The following SOX6 variants were observed in gnomAD, a reference collection of about 807,000 sequenced individuals.
SOX6 encodes transcription factor SOX-6.
A neutral mutation model predicts 97.8 loss-of-function variants in SOX6; 11 were observed. The ratio of observed to expected loss-of-function variants is 0.11; its 90% CI spans 0.07 to 0.19. SOX6 has a LOEUF of 0.19. Ranked by LOEUF, SOX6 falls within the 10% of genes least tolerant of loss-of-function variation. The probability of loss-of-function intolerance (pLI) is 1.00; values close to 1 mark genes in which losing one functional copy is unlikely to be tolerated. For missense variants in SOX6, 810 were observed against 1,039.5 expected, an observed-to-expected ratio of 0.78 and a Z score of 3.04; for synonymous variants, 360 against 371.4, an observed-to-expected ratio of 0.97 and a Z score of 0.35.
At chr11:16,125,014 A>G (rs949017685) in intron 6 of SOX6, among the ~76,000 whole-genome samples, 4 of 152,054 alleles carry the variant, frequency 2.6e-5, no homozygotes, top group African/African-American at 9.7e-5. Flanking sequence ...TCTTGCAAGT[A>G]GAAGCTTAGT....
chr11:16,677,231 G>A (rs1847890306), intron 3 of SOX6, among the ~76,000 whole-genome samples: 1 of 152,140 alleles, frequency 6.6e-6, no homozygotes, highest in Non-Finnish European at 1.5e-5. Flanking sequence ...TAAGGTCCAT[G>A]CTGCTCCCAC....
At chr11:16,358,963 G>T (rs893730808), upstream of SOX6, among the ~76,000 whole-genome samples, 6 of 152,116 alleles carry the variant, frequency 3.9e-5, no homozygotes, top group Admixed American at 3.3e-4. Flanking sequence ...CATACTGACT[G>T]CCAGACAGAC....
intron 12 of SOX6, among the ~76,000 whole-genome samples, chr11:16,027,178 A>G (rs1855237416): frequency 1.3e-5 from 2 of 152,202 alleles, no homozygotes; most frequent in African/African-American, 4.8e-5. Flanking sequence ...AATACAATAA[A>G]AATAAAACAA....
chr11:16,335,950 T>C (rs1856448020), intron 2 of SOX6, among the ~76,000 whole-genome samples: 1 of 152,214 alleles, frequency 6.6e-6, no homozygotes, highest in Non-Finnish European at 1.5e-5. Context: ...ATTGACATCT[T>C]TTATTTAAGG....
At chr11:16,387,811 C>T (rs1858036426) in intron 1 of SOX6, among the ~76,000 whole-genome samples, 1 of 152,032 alleles carries the variant, frequency 6.6e-6, no homozygotes, top group Admixed American at 6.6e-5. Flanking sequence ...CCATTGTTTA[C>T]TATGCAATTT....
At chr11:16,071,579 C>T (rs922889005) in intron 9 of SOX6, among the ~76,000 whole-genome samples, 1 of 152,180 alleles carries the variant, frequency 6.6e-6, no homozygotes, top group Admixed American at 6.5e-5. Context: ...CTCCACTGAA[C>T]CCCACCTCTT....
At chr11:16,103,364 AAT>A (rs1198272488) in intron 7 of SOX6, among the ~76,000 whole-genome samples, 2 of 151,606 alleles carry the variant, frequency 1.3e-5, no homozygotes, top group Admixed American at 1.3e-4. Flanking sequence ...ATAAAAAAAA[AAT>A]AAATAATGAT....
At chr11:16,307,130 G>C (rs1855466404) in intron 3 of SOX6, among the ~76,000 whole-genome samples, 1 of 152,078 alleles carries the variant, frequency 6.6e-6, no homozygotes, top group South Asian at 2.1e-4. Flanking sequence ...TATAAAATGG[G>C]GCTTGAAAGC....
intron 3 of SOX6, among the ~76,000 whole-genome samples, chr11:16,265,367 A>G (rs990324054): frequency 4.0e-5 from 6 of 151,874 alleles, no homozygotes; most frequent in Non-Finnish European, 5.9e-5. Context: ...TAGAAGCCTC[A>G]GTTGTGGGGT....
chr11:16,138,069 C>T (rs1805867698), intron 6 of SOX6, among the ~76,000 whole-genome samples: 1 of 152,132 alleles, frequency 6.6e-6, no homozygotes, highest in South Asian at 2.1e-4. Flanking sequence ...CAAATATATA[C>T]ATATTTCTTC....
At chr11:16,495,093 C>T (rs1444855605) in intron 4 of SOX6, among the ~76,000 whole-genome samples, 2 of 152,092 alleles carry the variant, frequency 1.3e-5, no homozygotes, top group Non-Finnish European at 2.9e-5. Flanking sequence ...GCTGCCACTG[C>T]CAAAGCTGAA....
At chr11:16,707,336 T>TA (rs1199674488) in intron 3 of SOX6, among the ~76,000 whole-genome samples, 2,719 of 142,138 alleles carry the variant, frequency 0.019, 78 homozygotes, top group African/African-American at 0.061. Flanking sequence ...TGAGGAATGT[T>TA]AAAAAAAAAA....
chr11:16,140,839 CA>C (rs1850114944), intron 6 of SOX6, among the ~76,000 whole-genome samples: 1 of 152,106 alleles, frequency 6.6e-6, no homozygotes, highest in Non-Finnish European at 1.5e-5. Context: ...AATAATATAA[CA>C]AAAAGTGGGT....
At chr11:16,030,006 A>G (rs929544679) in intron 12 of SOX6, among the ~76,000 whole-genome samples, 3 of 152,188 alleles carry the variant, frequency 2.0e-5, no homozygotes, top group Admixed American at 2.0e-4. Flanking sequence ...TTAATTTTGC[A>G]TAACTGAGGT....
chr11:16,612,350 A>C (rs1435274007), intron 3 of SOX6: 1 of 152,570 alleles, frequency 6.6e-6, no homozygotes, highest in Non-Finnish European at 1.5e-5. Context: ...CAAACTGTGC[A>C]TAGTCTCTAA....
chr11:16,117,430 T>C (rs1199339460), intron 6 of SOX6, among the ~76,000 whole-genome samples: 1 of 152,152 alleles, frequency 6.6e-6, no homozygotes, highest in Non-Finnish European at 1.5e-5. Context: ...TATTTCTAAA[T>C]GCCATCTTCT....
At chr11:16,318,400 C>G (rs1193380184) in intron 3 of SOX6, 46 bp downstream of exon 3, 5 of 1,523,834 alleles carry the variant, frequency 3.3e-6, no homozygotes, top group African/African-American at 1.4e-5. Flanking sequence ...GGCCTGGAAT[C>G]TTTAGAAGAA....
chr11:16,079,186 A>G (rs1848421481), intron 9 of SOX6, among the ~76,000 whole-genome samples: 1 of 152,108 alleles, frequency 6.6e-6, no homozygotes, highest in South Asian at 2.1e-4. Flanking sequence ...AATAATGTAC[A>G]CTGCCCAGCT....
At chr11:16,452,726 T>A (rs1027740955) in intron 1 of SOX6, among the ~76,000 whole-genome samples, 13 of 152,010 alleles carry the variant, frequency 8.6e-5, no homozygotes, top group African/African-American at 2.4e-4. Context: ...AGGAAAAAAA[T>A]TTTACATAGT....
Sources: gnomAD v4.1 joint callset for allele counts (sites outside exome capture counted in the v4.1 genomes callset) on GRCh38, gnomAD v4.1.1 for gene constraint, MANE v1.5 for transcripts, NCBI Gene and HGNC (gene_info 2026-07-23, HGNC 2026-07-21) for gene names.